ATXN1: variants seen among roughly 807,000 people sequenced by gnomAD.
ATXN1 encodes ataxin-1.
Under a neutral mutation model 56.4 loss-of-function variants are expected in ATXN1, and 8 were observed. The ratio of observed to expected loss-of-function variants is 0.14; its 90% CI spans 0.08 to 0.26. ATXN1 has a LOEUF of 0.26. ATXN1 is among the 10% of genes least tolerant of loss of function. The pLI is 1.00. For missense variants in ATXN1, 987 were observed against 1,106.5 expected (o/e 0.89, Z 1.53); for synonymous variants, 514 against 494.6 (o/e 1.04, Z -0.52).
At chr6:16,730,506 T>TATATATATATAA (rs1367623215) in intron 2 of ATXN1, among the ~76,000 whole-genome samples, 1 of 147,132 alleles carries the variant, frequency 6.8e-6, no homozygotes, top group Non-Finnish European at 1.5e-5. Context: ...TATATATATA[T>TATATATATATAA]AAATGTATTT....
At chr6:16,606,353 G>T (rs1282006267) in intron 3 of ATXN1, among the ~76,000 whole-genome samples, 1 of 152,052 alleles carries the variant, frequency 6.6e-6, no homozygotes, top group African/African-American at 2.4e-5. Context: ...ATGGTGAAAC[G>T]TATTTCCAAG....
rs1057161621 is a variant in ATXN1, at chr6:16,365,324, G to A, written c.-160-36854C>T. 7.2e-5 allele frequency among the ~76,000 whole-genome samples: 11 copies of A among 152,150 alleles called. No homozygotes were observed. In the South Asian group the frequency reaches 2.1e-3, roughly 29 times the overall value. On this transcript the variant is annotated intron_variant, in intron 6 of 7. Coordinates refer to ENST00000436367, the MANE Select transcript of ATXN1 (RefSeq NM_001128164.2). ...CCTGAGTAGCTGGGACTGCAGGCAC[G>A]CATCACCACGCCTGCCTAACTTTTT...
chr6:16,605,082 G>C (rs1385067708), intron 3 of ATXN1, among the ~76,000 whole-genome samples: 1 of 152,192 alleles, frequency 6.6e-6, no homozygotes, highest in Non-Finnish European at 1.5e-5. Flanking sequence ...TGTTGCAATG[G>C]TGTAAAAGTA....
intron 2 of ATXN1, among the ~76,000 whole-genome samples, chr6:16,748,605 A>C (rs1291471194): frequency 6.6e-6 from 1 of 152,242 alleles, no homozygotes; most frequent in Non-Finnish European, 1.5e-5. Context: ...TATGCAGAAT[A>C]GTAAATGTGA....
intron 5 of ATXN1, among the ~76,000 whole-genome samples, chr6:16,511,597 T>C (rs1424094621): frequency 6.6e-6 from 1 of 151,956 alleles, no homozygotes; most frequent in Admixed American, 6.6e-5. Context: ...TAGCAACAAG[T>C]CCGAAACCTC....
chr6:16,497,604 C>G (rs182408291), intron 5 of ATXN1, among the ~76,000 whole-genome samples: 1 of 152,174 alleles, frequency 6.6e-6, no homozygotes, highest in African/African-American at 2.4e-5. Context: ...TGGGAAACGC[C>G]GTGCAAGTTC....
In ATXN1 at chr6:16,305,961, C is replaced by A. The variant is rs1581677442; in HGVS notation, c.*368G>T. ...ACCCCCACATGCGTGCAACCCTGCACCCCTGCAGGACCCTTCCCACGGGAC... is the reference window on the plus strand; with the variant it reads ...ACCCCCACATGCGTGCAACCCTGCAACCCTGCAGGACCCTTCCCACGGGAC... On this transcript the variant is annotated 3_prime_UTR_variant, in exon 8 of 8. Coordinates refer to ENST00000436367, the MANE Select transcript of ATXN1 (RefSeq NM_001128164.2). The A allele has an allele frequency of 9.6e-6, 2 of 209,324 alleles. No individual in the cohort carries two copies. The highest frequency in any genetic ancestry group is 9.8e-6 in the Non-Finnish European group (1 of 101,870). The allele number at this position is 209,324 out of a possible 1,614,324, so 13.0% of individuals were successfully genotyped here.
chr6:16,505,015 T>A (rs898067738), intron 5 of ATXN1, among the ~76,000 whole-genome samples: 2 of 151,416 alleles, frequency 1.3e-5, no homozygotes, highest in African/African-American at 2.4e-5. Flanking sequence ...TTTTTTAGCT[T>A]TAGCTCTACT....
intron 6 of ATXN1, among the ~76,000 whole-genome samples, chr6:16,365,359 G>A (rs1278436911): frequency 6.6e-6 from 1 of 152,138 alleles, no homozygotes; most frequent in African/African-American, 2.4e-5. Flanking sequence ...TGTATTTTTA[G>A]TAGAGATGGG....
chr6:16,521,695 G>A (rs1263280770), intron 5 of ATXN1, among the ~76,000 whole-genome samples: 1 of 152,212 alleles, frequency 6.6e-6, no homozygotes, highest in Non-Finnish European at 1.5e-5. Flanking sequence ...CGGGTGTGTG[G>A]GTCTGCAGCT....
At chr6:16,682,159 C>G (rs1309734421) in intron 2 of ATXN1, among the ~76,000 whole-genome samples, 1 of 150,402 alleles carries the variant, frequency 6.6e-6, no homozygotes, top group Non-Finnish European at 1.5e-5. Context: ...GCATCACCCC[C>G]TACCCAAGCA....
At chr6:16,425,827 T>C (rs1464037131) in intron 6 of ATXN1, among the ~76,000 whole-genome samples, 2 of 152,166 alleles carry the variant, frequency 1.3e-5, no homozygotes, top group East Asian at 3.8e-4. Context: ...CAAACACGGC[T>C]GCAATATCAG....
intron 4 of ATXN1, among the ~76,000 whole-genome samples, chr6:16,540,785 C>A (rs1383655201): frequency 6.6e-6 from 1 of 152,164 alleles, no homozygotes; most frequent in East Asian, 1.9e-4. Flanking sequence ...CTTGGAATGG[C>A]TGTCTCATGT....
chr6:16,738,560 A>G (rs967704803), intron 2 of ATXN1: 2 of 152,212 alleles, frequency 1.3e-5, no homozygotes, highest in Non-Finnish European at 2.9e-5. Flanking sequence ...GGGTGTGTGT[A>G]TTGGCAAAAG....
chr6:16,314,375 G>T lies in ATXN1; in HGVS notation c.1918-7516C>A, dbSNP rs540244181. 1.1e-4 allele frequency among the ~76,000 whole-genome samples: 17 copies of T among 152,236 alleles called. No homozygotes were observed. In the East Asian group the frequency reaches 3.3e-3, roughly 29 times the overall value. On this transcript the variant is annotated intron_variant, in intron 7 of 7. Coordinates refer to ENST00000436367, the MANE Select transcript of ATXN1 (RefSeq NM_001128164.2). ...GTTAATGAAGAAATCTCACTGAGGG[G>T]TTTCTCAGTGAGAATATATATCATC...
rs995909852 is a variant in ATXN1 at position 16,633,670 on chromosome 6, A to G, written c.-489+24106T>C. Among the ~76,000 whole-genome samples the G allele has an allele frequency of 2.6e-5, 4 of 152,236 alleles. No homozygotes were observed. The South Asian group carries it at 8.3e-4, about 31-fold the overall frequency. On this transcript the variant is annotated intron_variant, in intron 3 of 7. Transcript: ENST00000436367. Reference sequence around the variant, plus strand: ...GCAAGGCAGAAGTGTAGGAAAAGGCACATCTCACAGGTTGTCCAGGAGGAT... The same window carrying G: ...GCAAGGCAGAAGTGTAGGAAAAGGCGCATCTCACAGGTTGTCCAGGAGGAT...
rs535332866 is a variant in ATXN1, at chr6:16,409,295, T to C, written c.-161+76677A>G. Among the ~76,000 whole-genome samples the C allele has an allele frequency of 1.0e-4, 15 of 143,324 alleles. No individual in the cohort carries two copies. In the South Asian group the frequency reaches 3.5e-3, roughly 34 times the overall value. The allele number at this position is 143,324 out of a possible 152,430, so 94.0% of individuals were successfully genotyped here. On this transcript the variant is annotated intron_variant, in intron 6 of 7. Transcript: ENST00000436367. ...TTAGCGTCTGTCCTCTTTATGAAAC[T>C]AAAAAAAAAAAACCACAGTAACTGT...
intron 6 of ATXN1, among the ~76,000 whole-genome samples, chr6:16,382,239 G>A (rs1311717051): frequency 2.0e-5 from 3 of 151,758 alleles, no homozygotes; most frequent in Admixed American, 6.6e-5. Flanking sequence ...GGCGGAGCTT[G>A]CAGTGAGCTG....
At chr6:16,719,498 A>G (rs1362869593) in intron 2 of ATXN1, among the ~76,000 whole-genome samples, 1 of 152,268 alleles carries the variant, frequency 6.6e-6, no homozygotes, top group Admixed American at 6.5e-5. Context: ...ATCTACAACT[A>G]GAAAAACCCG....
Sources: gnomAD v4.1 joint callset for allele counts (sites outside exome capture counted in the v4.1 genomes callset) on GRCh38, gnomAD v4.1.1 for gene constraint, MANE v1.5 for transcripts, NCBI Gene and HGNC (gene_info 2026-07-23, HGNC 2026-07-21) for gene names.